Variants in WNK1 observed in about 807,000 individuals in gnomAD.
WNK1 encodes serine/threonine-protein kinase WNK1.
WNK1 carries 38 observed loss-of-function variants against 222.8 expected under a neutral mutation model. That is an observed-to-expected ratio of 0.17 (90% CI 0.13 to 0.22). The LOEUF is 0.22. Ranked by LOEUF, WNK1 falls within the 10% of genes least tolerant of loss-of-function variation. The probability of loss-of-function intolerance (pLI) is 1.00; values close to 1 mark genes in which losing one functional copy is unlikely to be tolerated. For synonymous variants in WNK1, 1,090 were observed against 1,092.9 expected (o/e 1.00, Z 0.05); for missense variants, 2,348 against 2,918.4 (o/e 0.80, Z 4.50).
chr12:809,065 C>T (rs1242680878), intron 1 of WNK1, among the ~76,000 whole-genome samples: 5 of 151,792 alleles, frequency 3.3e-5, no homozygotes, highest in Admixed American at 3.3e-4. Flanking sequence ...CACCTGGCCT[C>T]CTATCTCTCT....
At chr12:891,810 G>A (rs1179308659) in intron 22 of WNK1, among the ~76,000 whole-genome samples, 2 of 151,444 alleles carry the variant, frequency 1.3e-5, no homozygotes, top group Admixed American at 1.3e-4. Flanking sequence ...TATGCCTGTA[G>A]TCCTAGCTAA....
chr12:884,009 G>A lies in WNK1; in HGVS notation c.3722-112G>A. The A allele has an allele frequency of 1.3e-6, 2 of 1,543,160 alleles. No individual in the cohort carries two copies. The highest frequency in any genetic ancestry group is 1.8e-6 in the Non-Finnish European group (2 of 1,127,176). Reference sequence around the variant, plus strand: ...CGCCACTGCACTCCAGCCTGGGTGAGAGAATGAGACCGTGCCTCAAAAAAA... The same window carrying A: ...CGCCACTGCACTCCAGCCTGGGTGAAAGAATGAGACCGTGCCTCAAAAAAA... On this transcript the variant is annotated intron_variant, in intron 17 of 27. Transcript: ENST00000315939. The surrounding 1 kb of genome is among the most constrained non-coding windows in gnomAD (Gnocchi z 5.6).
Position 829,865 on chromosome 12 carries a change from C to A in WNK1, c.1154-138C>A, listed in dbSNP as rs1475990352. 10 of 868,744 alleles carry A rather than the reference C, an allele frequency of 1.2e-5. No homozygotes were observed. The Admixed American group carries it at 1.2e-4, about 10-fold the overall frequency. The allele number at this position is 868,744 out of a possible 1,614,324, so 53.8% of individuals were successfully genotyped here. The stretch of plus-strand genomic sequence containing the variant: ...CAGACTGACTGAGAAGATTTCCTTC[C>A]TCTTTTCTCCCCCTTTCCTTTTTTC... On this transcript the variant is annotated intron_variant, in intron 3 of 27. Transcript: ENST00000315939.
chr12:826,415 C>G (rs1046331748), intron 2 of WNK1, among the ~76,000 whole-genome samples: 1 of 152,098 alleles, frequency 6.6e-6, no homozygotes, highest in African/African-American at 2.4e-5. Flanking sequence ...GTTTAGCAGA[C>G]CTGCAGAATC....
At position 797,711 on chromosome 12, in the gene WNK1, C is replaced by G. The variant is rs565555619; in HGVS notation, c.760-15931C>G. The stretch of plus-strand genomic sequence containing the variant: ...CTGTAATCCCAGCACTTTCGGAGGC[C>G]GAGGCAGGTGGATCACTGGAGGTCA... On this transcript the variant is annotated intron_variant, in intron 1 of 27. Transcript: ENST00000315939. 4.6e-5 allele frequency among the ~76,000 whole-genome samples: 7 copies of G among 152,022 alleles called. No homozygotes were observed. In the South Asian group the frequency reaches 1.5e-3, roughly 32 times the overall value.
chr12:869,355 G>A (rs1485439005), intron 8 of WNK1, among the ~76,000 whole-genome samples: 1 of 152,144 alleles, frequency 6.6e-6, no homozygotes, highest in Non-Finnish European at 1.5e-5. Context: ...TAGAATTTTA[G>A]TCATTCTTCA....
At chr12:821,956 T>A (rs1323350450) in intron 2 of WNK1, among the ~76,000 whole-genome samples, 4 of 152,108 alleles carry the variant, frequency 2.6e-5, no homozygotes, top group Admixed American at 2.6e-4. Flanking sequence ...AGTATATAGT[T>A]GGCTTTTTTT....
intron 19 of WNK1, among the ~76,000 whole-genome samples, 173 bp downstream of exon 19, chr12:886,257 A>AT (rs901152963): frequency 4.0e-5 from 6 of 151,546 alleles, no homozygotes; most frequent in African/African-American, 7.3e-5. Flanking sequence ...TGAACATGAG[A>AT]TTTTTTTTTC....
intron 11 of WNK1, 34 bp downstream of exon 11, chr12:880,065 G>T: frequency 6.3e-7 from 1 of 1,595,610 alleles, no homozygotes. Flanking sequence ...GGGCACCACA[G>T]AGTTTGATCC....
At chr12:801,484 T>C (rs1333755011) in intron 1 of WNK1, among the ~76,000 whole-genome samples, 1 of 150,180 alleles carries the variant, frequency 6.7e-6, no homozygotes, top group South Asian at 2.1e-4. Flanking sequence ...ATCACACTCA[T>C]TGCAGCCTCA....
At chr12:796,384 G>T (rs900016738) in intron 1 of WNK1, among the ~76,000 whole-genome samples, 2 of 152,126 alleles carry the variant, frequency 1.3e-5, no homozygotes, top group Non-Finnish European at 2.9e-5. Flanking sequence ...AGGCAGAGGA[G>T]TAGGAAACAC....
intron 4 of WNK1, among the ~76,000 whole-genome samples, chr12:846,604 T>A (rs902630075): frequency 3.3e-5 from 5 of 152,222 alleles, no homozygotes; most frequent in Admixed American, 2.6e-4. Context: ...ACTGTAAGAA[T>A]CTGGCTGAAT....
intron 1 of WNK1, among the ~76,000 whole-genome samples, chr12:783,428 G>C (rs1016254770): frequency 5.9e-4 from 89 of 151,876 alleles, no homozygotes; most frequent in Admixed American, 1.1e-3. Context: ...TGAGGTGGGA[G>C]GATTGCTTGA....
intron 8 of WNK1, chr12:868,963 T>G (rs1490386603): frequency 1.3e-6 from 2 of 1,589,724 alleles, no homozygotes; most frequent in Non-Finnish European, 1.7e-6. Flanking sequence ...CTTTTGGCTC[T>G]GACGTCTCAA....
intron 4 of WNK1, among the ~76,000 whole-genome samples, chr12:848,496 C>T (rs1233239030): frequency 3.5e-4 from 35 of 99,244 alleles, no homozygotes; most frequent in East Asian, 6.7e-4. Context: ...CCAGTAAAAA[C>T]TTTTTTTTTT....
intron 11 of WNK1, 123 bp from the exon 12 acceptor site, chr12:880,594 TAGAA>T: frequency 9.5e-7 from 1 of 1,048,758 alleles, no homozygotes. Flanking sequence ...TTTAGATTAT[TAGAA>T]AGAGATTGGC....
At chr12:824,120 T>A (rs985205446) in intron 2 of WNK1, among the ~76,000 whole-genome samples, 6 of 151,806 alleles carry the variant, frequency 4.0e-5, no homozygotes, top group African/African-American at 1.5e-4. Context: ...TTGGTCAGGC[T>A]GGTCTTGAAC....
intron 27 of WNK1, 97 bp from the exon 28 acceptor site, chr12:908,378 C>T (rs1261063125): frequency 3.1e-6 from 4 of 1,275,522 alleles, no homozygotes; most frequent in Non-Finnish European, 4.6e-6. Context: ...GACTGTTCTG[C>T]TGTATCTTAC....
intron 1 of WNK1, among the ~76,000 whole-genome samples, chr12:801,560 C>T (rs1945878281): frequency 6.7e-6 from 1 of 149,916 alleles, no homozygotes; most frequent in African/African-American, 2.5e-5. Flanking sequence ...AGCCATGTGC[C>T]ACCATGCCTG....
Sources: allele counts gnomAD v4.1 joint callset (sites outside exome capture counted in the v4.1 genomes callset), GRCh38; gene constraint gnomAD v4.1.1; non-coding constraint Gnocchi (gnomAD v3.1); transcripts MANE v1.5; gene names NCBI Gene and HGNC (gene_info 2026-07-23, HGNC 2026-07-21).